Variants in ZBTB5 observed in about 807,000 individuals in gnomAD.
The protein encoded by ZBTB5 is zinc finger and BTB domain containing 5.
ZBTB5 carries 15 observed loss-of-function variants against 37.9 expected under a neutral mutation model. The observed-to-expected ratio is 0.40, with a 90% CI of 0.26 to 0.61. ZBTB5 has a LOEUF of 0.61. Among genes scored for constraint, ZBTB5 ranks in the 20% least tolerant of loss-of-function variants. The pLI is 0.47. For missense variants in ZBTB5, 708 were observed against 856.8 expected (o/e 0.83, Z 2.17); for synonymous variants, 315 against 312.4 (o/e 1.01, Z -0.09).
At chr9:37,461,396 A>G (rs1209786214) in intron 1 of ZBTB5, among the ~76,000 whole-genome samples, 2 of 152,246 alleles carry the variant, frequency 1.3e-5, no homozygotes, top group Non-Finnish European at 2.9e-5. Context: ...CATAGAAAAA[A>G]AGGGGAGCAA....
At position 37,442,493 on chromosome 9, in the gene ZBTB5, T is replaced by C. The variant is rs1823905162; in HGVS notation, c.59A>G (p.His20Arg). The C allele has an allele frequency of 6.2e-7, 1 of 1,613,602 alleles. No homozygotes were observed. Among genetic ancestry groups the C allele is most frequent in the Non-Finnish European group, 8.5e-7 (1 of 1,179,538 alleles). ...AATGACACAATCACAGAGCTGGCCA[T>C]GAAGTCTCTGGTAGTTCAGCTGCTG... The part of the protein sequence containing the change: ...IFQQLNYQRL[H>R]GQLCDCVIVV... The change falls in exon 2 of 2, where the codon CAT (histidine) becomes CGT (arginine). Residue 20 changes from histidine to arginine, a missense_variant. Coordinates refer to ENST00000307750, the MANE Select transcript of ZBTB5 (RefSeq NM_014872.3).
chr9:37,449,694 CAAAA>C (rs60696023), intron 1 of ZBTB5, among the ~76,000 whole-genome samples: 1 of 50,086 alleles, frequency 2.0e-5, no homozygotes, highest in Non-Finnish European at 4.5e-5. Context: ...ATGAGACTCT[CAAAA>C]AAAAAAAAAA....
rs1823897322 is a variant in ZBTB5, at chr9:37,442,169, G to A, written c.383C>T (p.Pro128Leu). The A allele has an allele frequency of 6.2e-7, 1 of 1,614,224 alleles. No individual in the cohort carries two copies. The highest frequency in any genetic ancestry group is 8.5e-7 in the Non-Finnish European group (1 of 1,180,046). The part of the protein sequence containing the change: ...YLTTRTLPMS[P>L]PSERVQEQSA... ...CTGCTCCTGAACGCGCTCACTGGGG[G>A]GAGACATGGGCAGCGTCCTTGTCGT... is the stretch of plus-strand genomic sequence containing the variant. The change falls in exon 2 of 2, where the codon CCC (proline) becomes CTC (leucine). Residue 128 changes from proline (P) to leucine (L), a missense_variant. Physicochemically the swap from Pro to Leu is moderately conservative, Grantham distance 98 (BLOSUM62 -3). This residue lies in a region of ZBTB5 where 639 missense variants were observed against 690.5 expected (regional missense o/e 0.93). Transcript: ENST00000307750.
Position 37,440,149 on chromosome 9 carries a change from C to A in ZBTB5, c.*369G>T. On this transcript the variant is annotated 3_prime_UTR_variant, in exon 2 of 2. Transcript: ENST00000307750. The stretch of plus-strand genomic sequence containing the variant: ...TCACTATACAGGGATATAATACTCC[C>A]ATCAGAAGGTATAGGAAATTTAAAT... 3.7e-6 allele frequency: 1 copy of A among 267,604 alleles called. No homozygotes were observed. The highest frequency in any genetic ancestry group is 7.3e-6 in the Non-Finnish European group (1 of 137,850). The allele number at this position is 267,604 out of a possible 1,614,324, so 16.6% of individuals were successfully genotyped here.
intron 1 of ZBTB5, among the ~76,000 whole-genome samples, chr9:37,445,878 AT>A (rs1823968306): frequency 6.6e-6 from 1 of 151,918 alleles, no homozygotes; most frequent in African/African-American, 2.4e-5. Context: ...AGGCGGGCAG[AT>A]TGTTTGAGCT....
intron 1 of ZBTB5, among the ~76,000 whole-genome samples, chr9:37,457,654 C>A (rs1824216191): frequency 6.6e-6 from 1 of 152,228 alleles, no homozygotes; most frequent in Non-Finnish European, 1.5e-5. Flanking sequence ...AACGATATTA[C>A]AAAGTGGAAG....
chr9:37,461,176 TC>T (rs1824286670), intron 1 of ZBTB5, among the ~76,000 whole-genome samples: 1 of 152,218 alleles, frequency 6.6e-6, no homozygotes. Flanking sequence ...TTGTAGCATT[TC>T]TGGGCTCCTC....
chr9:37,441,568 C>T lies in ZBTB5; in HGVS notation c.984G>A (p.Val328=). 2 of 1,612,894 alleles carry T rather than the reference C, an allele frequency of 1.2e-6. No homozygotes were observed. The highest frequency in any genetic ancestry group is 1.7e-6 in the Non-Finnish European group (2 of 1,179,908). The change falls in exon 2 of 2, where the codon GTG becomes GTA. Residue 328 remains valine, a synonymous_variant. Transcript: ENST00000307750. The stretch of plus-strand genomic sequence containing the variant: ...GTGAGCTCAGGGGCTCAGATTTAAC[C>T]ACCACTCTCATGTGCTCCTTCTCAC... ...GLGEKEHMRV[V]VKSEPLSSPE...
In ZBTB5 at chr9:37,440,487, G is replaced by A. The variant is rs1588772691; in HGVS notation, c.*31C>T. 10 of 1,590,632 alleles carry A rather than the reference G, an allele frequency of 6.3e-6. No homozygotes were observed. The highest frequency in any genetic ancestry group is 8.6e-6 in the Non-Finnish European group (10 of 1,161,528). ...CCAAAAGAAATTCAGTCTGACAACT[G>A]GCCTCAGCGTTGTCTTGTAAGGACA... is the stretch of plus-strand genomic sequence containing the variant. On this transcript the variant is annotated 3_prime_UTR_variant, in exon 2 of 2. Transcript: ENST00000307750.
In ZBTB5 at chr9:37,457,457, T is replaced by C. The variant is rs180914165; in HGVS notation, c.-5+7758A>G. Among the ~76,000 whole-genome samples, 140 of 152,344 alleles carry C rather than the reference T, an allele frequency of 9.2e-4. 2 individuals are homozygous for C. The highest frequency in any genetic ancestry group is 9.1e-3 in the Admixed American group (140 of 15,304). On this transcript the variant is annotated intron_variant, in intron 1 of 1. Transcript: ENST00000307750. ...GTTGCTCTGGCTGGTCTCGAACTCCTGGGCTCAGGTATTCCTCCTACCTTG... is the reference window on the plus strand; with the variant it reads ...GTTGCTCTGGCTGGTCTCGAACTCCCGGGCTCAGGTATTCCTCCTACCTTG...
At position 37,459,541 on chromosome 9, in the gene ZBTB5, C is replaced by T. The variant is rs549510501; in HGVS notation, c.-5+5674G>A. Among the ~76,000 whole-genome samples, 827 of 151,820 alleles carry T rather than the reference C, an allele frequency of 5.4e-3. 8 individuals are homozygous for T. Among genetic ancestry groups the T allele is most frequent in the Non-Finnish European group, 6.8e-3 (461 of 67,952 alleles). On this transcript the variant is annotated intron_variant, in intron 1 of 1. Transcript: ENST00000307750. ...CAACTTTTAAACATGTCTTTTACCC[C>T]TGACAGATCAAGAAACTTTTTTTTT...
At chr9:37,442,752 C>A (rs1028509078) in intron 1 of ZBTB5, among the ~76,000 whole-genome samples, 197 bp from the exon 2 acceptor site, 2 of 152,192 alleles carry the variant, frequency 1.3e-5, no homozygotes, top group African/African-American at 4.8e-5. Flanking sequence ...GCCCAGGAGG[C>A]ATGCACACAT....
At position 37,442,339 on chromosome 9, in the gene ZBTB5, C is replaced by A; in HGVS notation, c.213G>T (p.Val71=). The A allele has an allele frequency of 6.2e-7, 1 of 1,614,208 alleles. No homozygotes were observed. Among genetic ancestry groups the A allele is most frequent in the Non-Finnish European group, 8.5e-7 (1 of 1,180,028 alleles). Residue 71 remains valine (V), a synonymous_variant, in exon 2 of 2, where the codon GTG becomes GTT. Transcript: ENST00000307750. ...TMNMIQLDSE[V]VTAEAFAALI... ...GTGCAGCAAAGGCCTCTGCTGTCAC[C>A]ACCTCGCTATCCAGCTGGATCATGT... is the stretch of plus-strand genomic sequence containing the variant.
chr9:37,443,917 C>A (rs546480608), intron 1 of ZBTB5, among the ~76,000 whole-genome samples: 2 of 151,094 alleles, frequency 1.3e-5, no homozygotes, highest in Admixed American at 6.6e-5. Context: ...CAGAGTGAAA[C>A]CTGTCTCAAA....
At position 37,453,457 on chromosome 9, in the gene ZBTB5, G is replaced by A. The variant is rs577583110; in HGVS notation, c.-4-10902C>T. Among the ~76,000 whole-genome samples the A allele has an allele frequency of 2.1e-4, 32 of 152,228 alleles. 1 individual carries two copies. The highest frequency in any genetic ancestry group is 7.2e-4 in the African/African-American group (30 of 41,528). ...AGCCTTCCAAAGTGTTGGGATTACA[G>A]GTGTGAGCACCATGAAGTTTTCAGA... On this transcript the variant is annotated intron_variant, in intron 1 of 1. Coordinates refer to ENST00000307750, the MANE Select transcript of ZBTB5 (RefSeq NM_014872.3).
At chr9:37,442,812 T>C (rs1195211298) in intron 1 of ZBTB5, among the ~76,000 whole-genome samples, 1 of 152,240 alleles carries the variant, frequency 6.6e-6, no homozygotes, top group East Asian at 1.9e-4. Context: ...ATGAGCCATG[T>C]ATAACACTAA....
intron 1 of ZBTB5, among the ~76,000 whole-genome samples, chr9:37,458,039 C>T (rs1297515498): frequency 1.3e-5 from 2 of 152,124 alleles, no homozygotes; most frequent in East Asian, 3.8e-4. Context: ...GCACATCAGC[C>T]AGAGTCATTG....
At chr9:37,448,442 C>A (rs1824034977) in intron 1 of ZBTB5, among the ~76,000 whole-genome samples, 1 of 151,700 alleles carries the variant, frequency 6.6e-6, no homozygotes, top group Non-Finnish European at 1.5e-5. Context: ...TGGGGAGCTG[C>A]AAATGACAGA....
intron 1 of ZBTB5, among the ~76,000 whole-genome samples, chr9:37,460,021 T>A (rs1180449014): frequency 1.4e-5 from 2 of 146,044 alleles, no homozygotes; most frequent in African/African-American, 2.5e-5. Flanking sequence ...TTTTTTTTAA[T>A]TTTTAGTAAA....
Sources: allele counts gnomAD v4.1 joint callset (sites outside exome capture counted in the v4.1 genomes callset), GRCh38; gene constraint gnomAD v4.1.1; regional missense constraint gnomAD v4.1.1; transcripts MANE v1.5; gene names NCBI Gene and HGNC (gene_info 2026-07-23, HGNC 2026-07-21).